The following CDH13 variants were observed in gnomAD, a reference collection of about 807,000 sequenced individuals.
CDH13 encodes the protein cadherin-13.
In CDH13, 24 loss-of-function variants were observed where a neutral mutation model predicts 63.8. The ratio of observed to expected loss-of-function variants is 0.38; its 90% CI spans 0.27 to 0.53. The LOEUF is 0.53. CDH13 is among the 20% of genes least tolerant of loss of function. CDH13 has a pLI of 0.85. For missense variants in CDH13, 1,049 were observed against 903.1 expected, an observed-to-expected ratio of 1.16 and a Z score of -2.07; for synonymous variants, 503 against 355.3, an observed-to-expected ratio of 1.42 and a Z score of -4.67.
At chr16:83,501,377 C>T (rs2074280204) in intron 7 of CDH13, among the ~76,000 whole-genome samples, 1 of 152,170 alleles carries the variant, frequency 6.6e-6, no homozygotes, top group Non-Finnish European at 1.5e-5. Flanking sequence ...TGATTTTTCT[C>T]CATGAAAGAC....
chr16:82,644,059 G>C lies in CDH13; in HGVS notation c.45+16922G>C, dbSNP rs1185584604. 6.6e-6 allele frequency among the ~76,000 whole-genome samples: 1 copy of C among 152,152 alleles called. No individual in the cohort carries two copies. The highest frequency in any genetic ancestry group is 1.5e-5 in the Non-Finnish European group (1 of 68,034). ...AGTAGTAAGTGGTTTAGGATGGGGG[G>C]TGGTATGGAGGTCGGGTGGGGAGAA... On this transcript the variant is annotated intron_variant, in intron 1 of 13. Coordinates refer to ENST00000567109, the MANE Select transcript of CDH13 (RefSeq NM_001257.5). The surrounding 1 kb of genome is among the most constrained non-coding windows in gnomAD (Gnocchi z 5.7).
intron 8 of CDH13, among the ~76,000 whole-genome samples, chr16:83,615,968 T>A (rs953652571): frequency 6.6e-6 from 1 of 152,194 alleles, no homozygotes; most frequent in African/African-American, 2.4e-5. Flanking sequence ...AATCATCAAC[T>A]AAATCTTCCA....
intron 8 of CDH13, among the ~76,000 whole-genome samples, chr16:83,667,012 T>A (rs1423393554): frequency 7.9e-6 from 1 of 127,374 alleles, no homozygotes; most frequent in Non-Finnish European, 1.8e-5. Flanking sequence ...GATGGATGGA[T>A]GGATGGATGG....
chr16:82,691,086 G>A (rs886490173), intron 1 of CDH13, among the ~76,000 whole-genome samples: 5 of 152,112 alleles, frequency 3.3e-5, no homozygotes, highest in Non-Finnish European at 7.4e-5. Context: ...ATATTTATTG[G>A]GCATCTATGG....
At chr16:83,726,699 G>A (rs888570022) in intron 10 of CDH13, among the ~76,000 whole-genome samples, 8 of 152,136 alleles carry the variant, frequency 5.3e-5, no homozygotes, top group Non-Finnish European at 7.4e-5. Flanking sequence ...TTAGCCGAGC[G>A]TGGAGGCGGG....
At chr16:83,269,300 C>G (rs2088723845) in intron 5 of CDH13, among the ~76,000 whole-genome samples, 1 of 152,190 alleles carries the variant, frequency 6.6e-6, no homozygotes, top group Admixed American at 6.5e-5. Flanking sequence ...GGGGGCAGAT[C>G]CTATCACCAC....
intron 2 of CDH13, among the ~76,000 whole-genome samples, chr16:82,943,584 G>A (rs1597262220): frequency 6.6e-6 from 1 of 152,104 alleles, no homozygotes; most frequent in Admixed American, 6.6e-5. Context: ...CTTTTATTAG[G>A]CAATGTATGT....
chr16:83,207,136 G>A (rs1252426668), intron 4 of CDH13, among the ~76,000 whole-genome samples: 1 of 152,278 alleles, frequency 6.6e-6, no homozygotes, highest in African/African-American at 2.4e-5. Context: ...GTACATGGCA[G>A]TGGCATTAAG....
intron 4 of CDH13, among the ~76,000 whole-genome samples, chr16:83,129,220 ACAC>A (rs2035943351): frequency 6.6e-6 from 1 of 152,120 alleles, no homozygotes; most frequent in Non-Finnish European, 1.5e-5. Flanking sequence ...TGGCCTCCAA[ACAC>A]CACCACGCTC....
chr16:83,574,015 G>A (rs1056972171), intron 7 of CDH13, among the ~76,000 whole-genome samples: 2 of 152,022 alleles, frequency 1.3e-5, no homozygotes, highest in African/African-American at 2.4e-5. Context: ...AGGTATAAAG[G>A]TATCTCCAAG....
At chr16:83,419,517 T>C (rs1293599599) in intron 6 of CDH13, among the ~76,000 whole-genome samples, 1 of 152,246 alleles carries the variant, frequency 6.6e-6, no homozygotes, top group Non-Finnish European at 1.5e-5. Context: ...TCTATAATGA[T>C]AGCCAACCAA....
chr16:82,820,793 T>G (rs1246844140), intron 1 of CDH13, among the ~76,000 whole-genome samples: 1 of 152,234 alleles, frequency 6.6e-6, no homozygotes, highest in East Asian at 1.9e-4. Flanking sequence ...TGTCCTGGAT[T>G]TCCTAGATCT....
chr16:82,645,428 G>C (rs114585083), intron 1 of CDH13, among the ~76,000 whole-genome samples: 2,640 of 152,184 alleles, frequency 0.017, 78 homozygotes, highest in African/African-American at 0.06. Flanking sequence ...GGGTGAGGGG[G>C]GTTGTGACCC....
intron 8 of CDH13, among the ~76,000 whole-genome samples, chr16:83,618,323 G>A (rs758138742): frequency 5.3e-5 from 8 of 151,988 alleles, no homozygotes; most frequent in Non-Finnish European, 1.0e-4. Context: ...TACTTAGGGG[G>A]CTGAGGCAGG....
chr16:83,783,982 C>A (rs1476358153), intron 13 of CDH13, among the ~76,000 whole-genome samples: 1 of 152,116 alleles, frequency 6.6e-6, no homozygotes, highest in Non-Finnish European at 1.5e-5. Context: ...ACTATAATAT[C>A]ATGAAACATT....
intron 2 of CDH13, among the ~76,000 whole-genome samples, chr16:82,977,777 G>A (rs991409156): frequency 6.6e-6 from 1 of 152,166 alleles, no homozygotes; most frequent in Non-Finnish European, 1.5e-5. Flanking sequence ...CTTTGGAACT[G>A]GGTAACAGGC....
At position 83,602,107 on chromosome 16, in the gene CDH13, C is replaced by CAAAAAAA. The variant is rs869202510; in HGVS notation, c.961-317_961-311dup. 1.0e-3 allele frequency among the ~76,000 whole-genome samples: 8 copies of CAAAAAAA among 7,956 alleles called. 1 individual carries two copies. Among genetic ancestry groups the CAAAAAAA allele is most frequent in the Admixed American group, 2.6e-3 (1 of 392 alleles). 5.2% of individuals were successfully genotyped at this position (7,956 alleles called of 152,430 possible). On this transcript the variant is annotated intron_variant, in intron 7 of 13. Transcript: ENST00000567109. ...CAAAAAAAAAAAAAAAGAACAACAA[C>CAAAAAAA]AAAAAAAAAAAAAAAAAAAAAAAAA...
intron 8 of CDH13, among the ~76,000 whole-genome samples, chr16:83,662,014 A>G (rs1913485106): frequency 1.3e-5 from 2 of 152,128 alleles, no homozygotes; most frequent in African/African-American, 4.8e-5. Context: ...TTTCCTTTCA[A>G]CCCAGGATCA....
intron 3 of CDH13, among the ~76,000 whole-genome samples, chr16:83,067,356 T>A (rs1230352150): frequency 6.6e-6 from 1 of 152,166 alleles, no homozygotes; most frequent in African/African-American, 2.4e-5. Context: ...CTATAGTAAG[T>A]CACTATATCC....
Sources: gnomAD v4.1 joint callset for allele counts (sites outside exome capture counted in the v4.1 genomes callset) on GRCh38, gnomAD v4.1.1 for gene constraint, Gnocchi (gnomAD v3.1) non-coding constraint, MANE v1.5 for transcripts, NCBI Gene and HGNC (gene_info 2026-07-23, HGNC 2026-07-21) for gene names.